RTTN: variants seen among roughly 807,000 people sequenced by gnomAD.
The protein encoded by RTTN is rotatin.
Under a neutral mutation model 269.2 loss-of-function variants are expected in RTTN, and 182 were observed. That is an observed-to-expected ratio of 0.68 (90% CI 0.60 to 0.76). The LOEUF (loss-of-function observed/expected upper bound fraction) is 0.76. Among genes scored for constraint, RTTN ranks in the 30% least tolerant of loss-of-function variants. The pLI is 0.00. For synonymous variants in RTTN, 1,006 were observed against 963.5 expected (o/e 1.04, Z -0.82); for missense variants, 2,545 against 2,608.6 (o/e 0.98, Z 0.53).
intron 12 of RTTN, 62 bp from the exon 13 acceptor site, chr18:70,167,093 G>A: frequency 9.6e-7 from 1 of 1,038,304 alleles, no homozygotes; most frequent in Non-Finnish European, 1.5e-6. Context: ...ATTCTCAACA[G>A]CTAACTAAGC....
intron 44 of RTTN, among the ~76,000 whole-genome samples, chr18:70,022,650 T>A (rs1362180316): frequency 1.3e-5 from 2 of 152,166 alleles, no homozygotes; most frequent in Non-Finnish European, 2.9e-5. Flanking sequence ...GGCACTGCAC[T>A]AAAATTACCC....
In RTTN at chr18:70,003,148, C is replaced by T. The variant is rs1182691239; in HGVS notation, c.*1003G>A. On this transcript the variant is annotated 3_prime_UTR_variant, in exon 49 of 49. Coordinates refer to ENST00000640769, the MANE Select transcript of RTTN (RefSeq NM_173630.4). ...CTGCCTCCCAGGTTGAAGAGATTCTCGTGCCTCAGCCACTGGAGTAGCTGA... is the reference window on the plus strand; with the variant it reads ...CTGCCTCCCAGGTTGAAGAGATTCTTGTGCCTCAGCCACTGGAGTAGCTGA... The T allele has an allele frequency of 6.7e-6, 1 of 148,396 alleles. No individual in the cohort carries two copies. The highest frequency in any genetic ancestry group is 6.9e-5 in the Admixed American group (1 of 14,392). The allele number at this position is 148,396 out of a possible 1,614,324, so 9.2% of individuals were successfully genotyped here. A position where few individuals can be genotyped will look rare whatever the true frequency, so the allele number is the denominator to read the frequency against.
In RTTN at chr18:70,075,537, G is replaced by C; in HGVS notation, c.4379C>G (p.Pro1460Arg). 8 of 1,559,100 alleles carry C rather than the reference G, an allele frequency of 5.1e-6. No homozygotes were observed. The highest frequency in any genetic ancestry group is 1.4e-5 in the African/African-American group (1 of 71,308). ...GCCAGAGTCCTCATCATGAACACAG[G>C]GACCCTGTAGGAAGAGAGGGAAAGA... ...EIIKDYTWQG[P>R]CVHDEDSGLS... Residue 1460 changes from proline to arginine, a missense_variant, in exon 33 of 49, where the codon CCC becomes CGC. Transcript: ENST00000640769.
chr18:70,037,556 C>A (rs1348453303), intron 40 of RTTN, among the ~76,000 whole-genome samples: 1 of 152,124 alleles, frequency 6.6e-6, no homozygotes, highest in Non-Finnish European at 1.5e-5. Flanking sequence ...CCAGTCCTGG[C>A]AGGATTCATT....
intron 5 of RTTN, 80 bp downstream of exon 5, chr18:70,199,334 G>C: frequency 2.2e-6 from 2 of 905,096 alleles, no homozygotes; most frequent in Non-Finnish European, 3.5e-6. Context: ...ATCTTTTCCT[G>C]GTAAAACATA....
At chr18:70,028,367 C>T (rs2056912697) in intron 43 of RTTN, among the ~76,000 whole-genome samples, 1 of 152,020 alleles carries the variant, frequency 6.6e-6, no homozygotes, top group African/African-American at 2.4e-5. Flanking sequence ...CATTTTCTTT[C>T]CTTATAGATA....
chr18:70,142,236 C>A, intron 19 of RTTN, 52 bp downstream of exon 19: 1 of 1,208,880 alleles, frequency 8.3e-7, no homozygotes, highest in Non-Finnish European at 1.2e-6. Flanking sequence ...ATATGGCAAT[C>A]TAAAATTCTA....
At chr18:70,049,518 T>A (rs777582885) in intron 39 of RTTN, among the ~76,000 whole-genome samples, 2 of 152,156 alleles carry the variant, frequency 1.3e-5, no homozygotes, top group Admixed American at 6.5e-5. Context: ...TTGCCATAAT[T>A]CTTACTATCG....
At chr18:70,126,398 A>G (rs1173165129) in intron 25 of RTTN, among the ~76,000 whole-genome samples, 2 of 152,232 alleles carry the variant, frequency 1.3e-5, no homozygotes, top group Non-Finnish European at 2.9e-5. Flanking sequence ...GTGCTGATAA[A>G]TATGTAACTG....
chr18:70,083,270 A>G (rs2058619509), intron 32 of RTTN, among the ~76,000 whole-genome samples: 2 of 152,180 alleles, frequency 1.3e-5, no homozygotes, highest in Admixed American at 1.3e-4. Context: ...AGAAAAATAA[A>G]AGGGGACTTA....
intron 28 of RTTN, among the ~76,000 whole-genome samples, chr18:70,108,276 C>CAA (rs71178848): frequency 6.8e-6 from 1 of 146,226 alleles, no homozygotes. Context: ...GACTCTGTCT[C>CAA]AAAAAAAAAA....
chr18:70,060,232 T>C (rs1304372746), intron 35 of RTTN, among the ~76,000 whole-genome samples, 190 bp from the exon 36 acceptor site: 1 of 152,140 alleles, frequency 6.6e-6, no homozygotes, highest in Admixed American at 6.6e-5. Flanking sequence ...ACCTCCACCT[T>C]CCACCATGTG....
At position 70,059,851 on chromosome 18, in the gene RTTN, T is replaced by C. The variant is rs2057926484; in HGVS notation, c.4939A>G (p.Ser1647Gly). The C allele has an allele frequency of 6.3e-7, 1 of 1,594,440 alleles. No individual in the cohort carries two copies. The highest frequency in any genetic ancestry group is 1.3e-5 in the African/African-American group (1 of 74,218). Residue 1647 changes from serine (S) to glycine (G), a missense_variant and splice_region_variant, in exon 36 of 49, where the codon AGC becomes GGC. Transcript: ENST00000640769. ...TCTCTAGGAGTATTTATCTCTTACC[T>C]ACAGAGAAGTTCTATGAGATGAGCT... The part of the protein sequence containing the change: ...RQAHLIELLC[S>G]IADATLIQTC...
chr18:70,184,396 A>C (rs1417637311), intron 10 of RTTN, among the ~76,000 whole-genome samples: 1 of 152,078 alleles, frequency 6.6e-6, no homozygotes, highest in Non-Finnish European at 1.5e-5. Flanking sequence ...TCTACTAAAA[A>C]TACAAAAAAA....
At chr18:70,012,533 T>G (rs867326843) in intron 46 of RTTN, among the ~76,000 whole-genome samples, 52 of 151,456 alleles carry the variant, frequency 3.4e-4, no homozygotes, top group African/African-American at 1.0e-3. Flanking sequence ...GTCTGCTCAC[T>G]GGTGTTAGAT....
intron 14 of RTTN, among the ~76,000 whole-genome samples, chr18:70,161,331 A>G (rs936072916): frequency 6.6e-6 from 1 of 152,150 alleles, no homozygotes; most frequent in African/African-American, 2.4e-5. Context: ...TCCTTTCACC[A>G]TATATAAAAA....
intron 14 of RTTN, among the ~76,000 whole-genome samples, chr18:70,152,311 G>C (rs968064129): frequency 6.6e-6 from 1 of 152,110 alleles, no homozygotes; most frequent in Non-Finnish European, 1.5e-5. Context: ...TGAGCCTATA[G>C]GGTTCAAAGC....
At chr18:70,115,797 A>G (rs564233037) in intron 26 of RTTN, among the ~76,000 whole-genome samples, 12 of 152,138 alleles carry the variant, frequency 7.9e-5, no homozygotes, top group African/African-American at 2.9e-4. Flanking sequence ...TTCACCTAAA[A>G]GAGCTCAACT....
Position 70,149,999 on chromosome 18 carries a change from G to A in RTTN, c.2144C>T (p.Ser715Phe). 6.2e-7 allele frequency: 1 copy of A among 1,611,712 alleles called. No individual in the cohort carries two copies. Among genetic ancestry groups the A allele is most frequent in the Non-Finnish European group, 8.5e-7 (1 of 1,177,960 alleles). The change falls in exon 16 of 49, where the codon TCT becomes TTT. Residue 715 changes from serine to phenylalanine, a missense_variant. Coordinates refer to ENST00000640769, the MANE Select transcript of RTTN (RefSeq NM_173630.4). ...TAGTATTGGGATGACAGGACAGAGA[G>A]ATTCAATAAACTTGTTCCAGGTCAA... ...TALTWNKFIE[S>F]LCPVIPILQG...
Sources: allele counts gnomAD v4.1 joint callset (sites outside exome capture counted in the v4.1 genomes callset), GRCh38; gene constraint gnomAD v4.1.1; transcripts MANE v1.5; gene names NCBI Gene and HGNC (gene_info 2026-07-23, HGNC 2026-07-21).